Variants in SYN3 observed in about 807,000 individuals in gnomAD.
SYN3 encodes synapsin III, also known as synapsin-3.
Under a neutral mutation model 65.8 loss-of-function variants are expected in SYN3, and 35 were observed. The ratio of observed to expected loss-of-function variants is 0.53; its 90% CI spans 0.41 to 0.70. The LOEUF (loss-of-function observed/expected upper bound fraction) is 0.70. Among genes scored for constraint, SYN3 ranks in the 30% least tolerant of loss-of-function variants. The pLI is 0.00. For synonymous variants in SYN3, 270 were observed against 292.9 expected (o/e 0.92, Z 0.80); for missense variants, 680 against 749.0 (o/e 0.91, Z 1.08).
intron 2 of SYN3, among the ~76,000 whole-genome samples, chr22:32,997,062 T>A (rs2052901882): frequency 6.6e-6 from 1 of 152,012 alleles, no homozygotes; most frequent in Non-Finnish European, 1.5e-5. Context: ...GAGCTTCAGG[T>A]GGGAGAGGTT....
rs139216516 is a variant in SYN3, at chr22:32,518,388, A to T, written c.1319-54T>A. ...TTCAATTTTTTTTCTTAGGATAGAT[A>T]TGGCTGTACACAAATAATGTTGCTT... On this transcript the variant is annotated intron_variant, in intron 12 of 13. Coordinates refer to ENST00000358763, the MANE Select transcript of SYN3 (RefSeq NM_003490.4). 3.9e-4 allele frequency: 614 copies of T among 1,594,768 alleles called. 3 individuals carry two copies. The African/African-American group carries it at 6.8e-3, about 18-fold the overall frequency.
intron 6 of SYN3, among the ~76,000 whole-genome samples, chr22:32,798,995 T>C (rs1481591624): frequency 6.6e-6 from 1 of 152,174 alleles, no homozygotes; most frequent in Non-Finnish European, 1.5e-5. Flanking sequence ...CCAGCCTGCA[T>C]CTTCATTCTT....
chr22:32,981,516 C>G (rs1199327285), intron 2 of SYN3, among the ~76,000 whole-genome samples: 1 of 151,704 alleles, frequency 6.6e-6, no homozygotes, highest in Admixed American at 6.6e-5. Flanking sequence ...ACCCGGAAGG[C>G]AGAAGTTGCG....
intron 6 of SYN3, among the ~76,000 whole-genome samples, chr22:32,614,417 T>C (rs2146705129): frequency 6.6e-6 from 1 of 152,356 alleles, no homozygotes; most frequent in East Asian, 1.9e-4. Flanking sequence ...CAGGCAGCTC[T>C]GTATGGACAC....
intron 4 of SYN3, among the ~76,000 whole-genome samples, chr22:32,926,011 C>A (rs576458833): frequency 6.6e-6 from 1 of 152,122 alleles, no homozygotes; most frequent in South Asian, 2.1e-4. Context: ...ACCACCACAC[C>A]TGGATAATTT....
intron 1 of SYN3, among the ~76,000 whole-genome samples, chr22:33,047,704 A>G (rs1396307037): frequency 6.6e-6 from 1 of 152,008 alleles, no homozygotes; most frequent in East Asian, 1.9e-4. Context: ...AAGAAAGAAA[A>G]AAAAAATAAT....
At chr22:32,704,821 GC>G (rs2060858484) in intron 6 of SYN3, among the ~76,000 whole-genome samples, 1 of 151,040 alleles carries the variant, frequency 6.6e-6, no homozygotes, top group African/African-American at 2.5e-5. Flanking sequence ...GTGATGTTGA[GC>G]TTTTTTTACA....
At chr22:32,625,264 C>T (rs944072914) in intron 6 of SYN3, among the ~76,000 whole-genome samples, 14 of 152,162 alleles carry the variant, frequency 9.2e-5, no homozygotes, top group Non-Finnish European at 1.2e-4. Context: ...GAATAGATTG[C>T]CCACACTTAG....
intron 6 of SYN3, among the ~76,000 whole-genome samples, chr22:32,677,110 G>A (rs2060456665): frequency 1.3e-5 from 2 of 152,114 alleles, no homozygotes; most frequent in Admixed American, 6.5e-5. Flanking sequence ...CTAGACTCAG[G>A]GGCTTCAGAG....
At chr22:32,941,101 T>C (rs966806364) in intron 3 of SYN3, among the ~76,000 whole-genome samples, 1 of 152,024 alleles carries the variant, frequency 6.6e-6, no homozygotes, top group Non-Finnish European at 1.5e-5. Context: ...CCCTCACTTA[T>C]CTTAAAGGTT....
chr22:32,546,987 T>C (rs943993818), intron 7 of SYN3, among the ~76,000 whole-genome samples: 5 of 152,012 alleles, frequency 3.3e-5, no homozygotes, highest in African/African-American at 1.2e-4. Flanking sequence ...TTTGTTTTTT[T>C]GTTGATGTTG....
chr22:32,681,548 G>C (rs1345852579), intron 6 of SYN3, among the ~76,000 whole-genome samples: 1 of 152,194 alleles, frequency 6.6e-6, no homozygotes, highest in Non-Finnish European at 1.5e-5. Flanking sequence ...TGAGGTTCCT[G>C]GTCAGTATGT....
Position 32,843,579 on chromosome 22 carries a change from C to T in SYN3, c.711+21336G>A, listed in dbSNP as rs146806151. Among the ~76,000 whole-genome samples, 648 of 152,288 alleles carry T rather than the reference C, an allele frequency of 4.3e-3. 1 individual carries two copies. Among genetic ancestry groups the T allele is most frequent in the African/African-American group, 0.014 (596 of 41,576 alleles). ...GATGATAAAATACACACGAAGGGGC[C>T]GTGAGACAAGCTGGGTGACAGGGAT... On this transcript the variant is annotated intron_variant, in intron 6 of 13. Transcript: ENST00000358763.
At chr22:32,827,388 A>T in intron 6 of SYN3, among the ~76,000 whole-genome samples, 1 of 152,228 alleles carries the variant, frequency 6.6e-6, no homozygotes, top group East Asian at 1.9e-4. Flanking sequence ...TTTCCTTGAA[A>T]TCTATACAGG....
chr22:32,715,110 T>C (rs1204024154), intron 6 of SYN3, among the ~76,000 whole-genome samples: 1 of 152,220 alleles, frequency 6.6e-6, no homozygotes, highest in East Asian at 1.9e-4. Context: ...TTCAGTAATG[T>C]GCTGGTAAGC....
In SYN3 at chr22:32,510,683, C is replaced by A. The variant is rs1208362558; in HGVS notation, c.*3009G>T. On this transcript the variant is annotated 3_prime_UTR_variant, in exon 14 of 14. Coordinates refer to ENST00000358763, the MANE Select transcript of SYN3 (RefSeq NM_003490.4). Reference sequence around the variant, plus strand: ...AGAAACCAAACTTCAACTCCTATAGCTCTCTGTGCTTGAATCTTGTAACAG... The same window carrying A: ...AGAAACCAAACTTCAACTCCTATAGATCTCTGTGCTTGAATCTTGTAACAG... Among the ~76,000 whole-genome samples the A allele has an allele frequency of 6.6e-6, 1 of 152,160 alleles. No individual in the cohort carries two copies. Among genetic ancestry groups the A allele is most frequent in the Non-Finnish European group, 1.5e-5 (1 of 68,038 alleles).
At chr22:32,692,633 A>G (rs2060680630) in intron 6 of SYN3, among the ~76,000 whole-genome samples, 1 of 152,096 alleles carries the variant, frequency 6.6e-6, no homozygotes, top group Admixed American at 6.5e-5. Context: ...TCTGAACCTC[A>G]AAAAATGACA....
intron 6 of SYN3, among the ~76,000 whole-genome samples, chr22:32,797,153 C>G (rs1002494915): frequency 6.6e-6 from 1 of 152,186 alleles, no homozygotes; most frequent in Non-Finnish European, 1.5e-5. Flanking sequence ...TGGGTGTTCT[C>G]TGGCTTATAG....
Position 32,994,321 on chromosome 22 carries a change from G to A in SYN3, c.311+12031C>T, listed in dbSNP as rs567609132. Among the ~76,000 whole-genome samples, 5 of 152,242 alleles carry A rather than the reference G, an allele frequency of 3.3e-5. No individual in the cohort carries two copies. The South Asian group carries it at 1.0e-3, about 32-fold the overall frequency. ...CAGGACTGCGAGGGGGTAGGGAGGG[G>A]CAGGGGGTGCAGCGTGGGTGCCCAG... On this transcript the variant is annotated intron_variant, in intron 2 of 13. Coordinates refer to ENST00000358763, the MANE Select transcript of SYN3 (RefSeq NM_003490.4).
Sources: gnomAD v4.1 joint callset for allele counts (sites outside exome capture counted in the v4.1 genomes callset) on GRCh38, gnomAD v4.1.1 for gene constraint, MANE v1.5 for transcripts, NCBI Gene and HGNC (gene_info 2026-07-23, HGNC 2026-07-21) for gene names.